Variants in TTC29 observed in about 807,000 individuals in gnomAD.
TTC29 encodes tetratricopeptide repeat domain 29.
Under a neutral mutation model 58.1 loss-of-function variants are expected in TTC29, and 49 were observed. That is an observed-to-expected ratio of 0.84 (90% CI 0.67 to 1.07). The LOEUF (loss-of-function observed/expected upper bound fraction) is 1.07, where lower values mean the gene tolerates loss of function less well. Ranked by LOEUF, TTC29 falls within the 50% of genes least tolerant of loss-of-function variation. The pLI is 0.00. For missense variants in TTC29, 582 were observed against 555.6 expected, an observed-to-expected ratio of 1.05 and a Z score of -0.48; for synonymous variants, 209 against 196.8, an observed-to-expected ratio of 1.06 and a Z score of -0.52.
chr4:146,897,048 G>A (rs1732818255), intron 6 of TTC29, among the ~76,000 whole-genome samples: 1 of 152,006 alleles, frequency 6.6e-6, no homozygotes, highest in Non-Finnish European at 1.5e-5. Flanking sequence ...ATGCTCTTTA[G>A]TCCTGGTATT....
chr4:146,807,576 G>T (rs1750704826), intron 10 of TTC29, among the ~76,000 whole-genome samples: 1 of 152,128 alleles, frequency 6.6e-6, no homozygotes, highest in Admixed American at 6.5e-5. Flanking sequence ...TGATCTCACA[G>T]AAATACAAAC....
chr4:146,885,858 T>C (rs1378387329), intron 6 of TTC29, among the ~76,000 whole-genome samples: 2 of 152,140 alleles, frequency 1.3e-5, no homozygotes, highest in Non-Finnish European at 2.9e-5. Flanking sequence ...TCGTGATTAC[T>C]TTTTTGTCCC....
At chr4:146,911,364 A>G (rs1261740353) in intron 4 of TTC29, among the ~76,000 whole-genome samples, 1 of 152,144 alleles carries the variant, frequency 6.6e-6, no homozygotes, top group Non-Finnish European at 1.5e-5. Flanking sequence ...CTGGGGACTG[A>G]AGGAAGACAC....
At chr4:146,856,609 TA>T (rs1292125512) in intron 8 of TTC29, among the ~76,000 whole-genome samples, 1 of 151,494 alleles carries the variant, frequency 6.6e-6, no homozygotes, top group African/African-American at 2.4e-5. Flanking sequence ...ACAAATACTG[TA>T]ATTTATATGA....
chr4:146,824,230 C>T (rs1485095996), intron 9 of TTC29, among the ~76,000 whole-genome samples: 1 of 152,142 alleles, frequency 6.6e-6, no homozygotes, highest in East Asian at 1.9e-4. Context: ...ATGATATTGG[C>T]TGTGGGTTTG....
chr4:146,709,101 C>T (rs1316518122), intron 11 of TTC29, among the ~76,000 whole-genome samples: 1 of 152,118 alleles, frequency 6.6e-6, no homozygotes, highest in East Asian at 1.9e-4. Context: ...TGTCACTGTA[C>T]TACTACTTTC....
At chr4:146,816,835 TA>T (rs942735636) in intron 10 of TTC29, among the ~76,000 whole-genome samples, 3 of 152,030 alleles carry the variant, frequency 2.0e-5, no homozygotes, top group Admixed American at 6.5e-5. Flanking sequence ...TCGATTTCCT[TA>T]AAAAAAATCC....
chr4:146,800,150 T>G (rs1033717044), intron 11 of TTC29, among the ~76,000 whole-genome samples: 1 of 152,242 alleles, frequency 6.6e-6, no homozygotes, highest in Non-Finnish European at 1.5e-5. Context: ...CACTCAGGTC[T>G]AACCATATCT....
At chr4:146,751,956 G>C (rs1746035079) in intron 11 of TTC29, among the ~76,000 whole-genome samples, 1 of 151,984 alleles carries the variant, frequency 6.6e-6, no homozygotes, top group Non-Finnish European at 1.5e-5. Flanking sequence ...TAAGAAAAAG[G>C]AGAGAAGATG....
At chr4:146,766,068 C>CTAATAAT (rs1747296103) in intron 11 of TTC29, among the ~76,000 whole-genome samples, 1 of 151,938 alleles carries the variant, frequency 6.6e-6, no homozygotes, top group African/African-American at 2.4e-5. Flanking sequence ...ATTATTTACT[C>CTAATAAT]GGATTCACAG....
At chr4:146,806,067 G>A (rs1400138420) in intron 10 of TTC29, among the ~76,000 whole-genome samples, 1 of 152,262 alleles carries the variant, frequency 6.6e-6, no homozygotes, top group Non-Finnish European at 1.5e-5. Flanking sequence ...AGAAGAGAGT[G>A]GGGGCCAATA....
intron 6 of TTC29, among the ~76,000 whole-genome samples, chr4:146,892,818 T>G (rs140649146): frequency 0.061 from 9,227 of 152,296 alleles, 387 homozygotes; most frequent in Admixed American, 0.13. Context: ...CTTAGGCTGA[T>G]AGGCAACTTC....
At chr4:146,747,192 G>A (rs1745609711) in intron 11 of TTC29, among the ~76,000 whole-genome samples, 1 of 152,130 alleles carries the variant, frequency 6.6e-6, no homozygotes, top group Non-Finnish European at 1.5e-5. Context: ...TTCAGAATCT[G>A]CACACTGAGC....
At chr4:146,883,515 T>G (rs1561217979) in intron 6 of TTC29, among the ~76,000 whole-genome samples, 1 of 152,122 alleles carries the variant, frequency 6.6e-6, no homozygotes, top group Admixed American at 6.6e-5. Flanking sequence ...GTTGAGGCAC[T>G]AATTGGAAAC....
At chr4:146,726,227 G>A (rs771497415) in intron 11 of TTC29, among the ~76,000 whole-genome samples, 5 of 152,078 alleles carry the variant, frequency 3.3e-5, no homozygotes, top group Non-Finnish European at 7.4e-5. Flanking sequence ...CCTGAGGCAA[G>A]TGGATCACTT....
intron 10 of TTC29, among the ~76,000 whole-genome samples, chr4:146,819,416 T>G (rs968227831): frequency 1.3e-5 from 2 of 152,114 alleles, no homozygotes; most frequent in African/African-American, 4.8e-5. Flanking sequence ...ACCCTAAAAA[T>G]GATGGATCTT....
chr4:146,738,931 C>T (rs868656148), intron 11 of TTC29, among the ~76,000 whole-genome samples: 2 of 152,020 alleles, frequency 1.3e-5, no homozygotes, highest in African/African-American at 2.4e-5. Flanking sequence ...GCCCTTACCC[C>T]GTGCCTTACC....
At chr4:146,914,207 C>A (rs1051399721) in intron 4 of TTC29, among the ~76,000 whole-genome samples, 1 of 152,076 alleles carries the variant, frequency 6.6e-6, no homozygotes, top group Non-Finnish European at 1.5e-5. Context: ...GAATGTCAAT[C>A]TCTACCATTA....
chr4:146,824,748 T>A (rs1018571930), intron 9 of TTC29, among the ~76,000 whole-genome samples: 8 of 152,054 alleles, frequency 5.3e-5, no homozygotes, highest in African/African-American at 1.9e-4. Context: ...TTTTTGGTTG[T>A]TAGGCTATTA....
Sources: gnomAD v4.1 joint callset for allele counts (sites outside exome capture counted in the v4.1 genomes callset) on GRCh38, gnomAD v4.1.1 for gene constraint, MANE v1.5 for transcripts, NCBI Gene and HGNC (gene_info 2026-07-23, HGNC 2026-07-21) for gene names.